Variants in VARS2 observed in about 807,000 individuals in gnomAD.
The protein encoded by VARS2 is valine--tRNA ligase, mitochondrial.
A neutral mutation model predicts 154.1 loss-of-function variants in VARS2; 105 were observed. That is an observed-to-expected ratio of 0.68 (90% CI 0.58 to 0.80). VARS2 has a LOEUF of 0.80. Ranked by LOEUF, VARS2 falls within the 30% of genes least tolerant of loss-of-function variation. VARS2 has a pLI of 0.00. For missense variants in VARS2, 1,157 were observed against 1,361.4 expected (o/e 0.85, Z 2.36); for synonymous variants, 483 against 539.5 (o/e 0.90, Z 1.45).
Position 30,921,640 on chromosome 6 carries a change from G to C in VARS2, c.1684G>C (p.Val562Leu). 1 of 1,609,590 alleles carries C rather than the reference G, an allele frequency of 6.2e-7. No homozygotes were observed. The highest frequency in any genetic ancestry group is 2.2e-5 in the East Asian group (1 of 44,778). The change falls in exon 18 of 30, where the codon GTA (valine) becomes CTA (leucine). Residue 562 changes from valine (V) to leucine (L), a missense_variant. Coordinates refer to ENST00000676266, the MANE Select transcript of VARS2 (RefSeq NM_020442.6). This position sits in a 1 kb window ranked among gnomAD's most constrained non-coding sequence, Gnocchi z 4.6. ...VGRSEAEAREVAAELTGRPGA... is the reference protein window; with the variant it reads ...VGRSEAEARELAAELTGRPGA... ...GCGGTCAGAGGCTGAGGCCAGAGAG[G>C]TAGCAGCGGAACTGACAGGGAGGCC...
At position 30,914,265 on chromosome 6, in the gene VARS2, C is replaced by G; in HGVS notation, c.-107C>G. 1 of 859,590 alleles carries G rather than the reference C, an allele frequency of 1.2e-6. No individual in the cohort carries two copies. Among genetic ancestry groups the G allele is most frequent in the Non-Finnish European group, 1.5e-6 (1 of 645,500 alleles). 53.2% of individuals were successfully genotyped at this position (859,590 alleles called of 1,614,324 possible). A position where few individuals can be genotyped will look rare whatever the true frequency, so the allele number is the denominator to read the frequency against. ...CCCCATGCGCCGCGCGGCTCCAGGG[C>G]CACGTTCCAGGGTCGGGTTTGGTGG... On this transcript the variant is annotated 5_prime_UTR_variant, in exon 1 of 30. Coordinates refer to ENST00000676266, the MANE Select transcript of VARS2 (RefSeq NM_020442.6).
rs983587898 is a variant in VARS2, at chr6:30,923,602, A to G, written c.2466+97A>G. On this transcript the variant is annotated intron_variant, in intron 25 of 29. Transcript: ENST00000676266. ...GAGCTCTGGAGTTAATAAGTTCCCAATTGTCCCCTCAGTTAGGAGAGGAGA... is the reference window on the plus strand; with the variant it reads ...GAGCTCTGGAGTTAATAAGTTCCCAGTTGTCCCCTCAGTTAGGAGAGGAGA... 6.6e-6 allele frequency: 10 copies of G among 1,506,242 alleles called. No individual in the cohort carries two copies. In the East Asian group the frequency reaches 6.8e-5, roughly 10 times the overall value. The allele number at this position is 1,506,242 out of a possible 1,614,324, so 93.3% of individuals were successfully genotyped here. A position where few individuals can be genotyped will look rare whatever the true frequency, so the allele number is the denominator to read the frequency against.
At position 30,920,200 on chromosome 6, in the gene VARS2, G is replaced by A; in HGVS notation, c.1277G>A (p.Cys426Tyr). Residue 426 changes from cysteine (C) to tyrosine (Y), a missense_variant, in exon 13 of 30, where the codon TGC becomes TAC. Cys to Tyr is a radical substitution (Grantham distance 194). Coordinates refer to ENST00000676266, the MANE Select transcript of VARS2 (RefSeq NM_020442.6). This position sits in a 1 kb window ranked among gnomAD's most constrained non-coding sequence, Gnocchi z 4.6. The stretch of plus-strand genomic sequence containing the variant: ...GAGGATGGGACCATGACCTCCCTCT[G>A]CGGGGACTGGCTGCAGGTGGTACCA... ...IAEDGTMTSL[C>Y]GDWLQGLHRF... 6.3e-7 allele frequency: 1 copy of A among 1,579,448 alleles called. No homozygotes were observed. The highest frequency in any genetic ancestry group is 8.6e-7 in the Non-Finnish European group (1 of 1,161,832).
Position 30,917,361 on chromosome 6 carries a change from G to A in VARS2, c.873+137G>A, listed in dbSNP as rs772961038. On this transcript the variant is annotated intron_variant, in intron 9 of 29. Coordinates refer to ENST00000676266, the MANE Select transcript of VARS2 (RefSeq NM_020442.6). The surrounding 1 kb of genome is among the most constrained non-coding windows in gnomAD (Gnocchi z 4.4). ...TGTTACAGCTGTGTGGCTTTTGGCA[G>A]GCCGTTTAGTCTCTTTAAGCCTCAG... 1 of 1,386,754 alleles carries A rather than the reference G, an allele frequency of 7.2e-7. No homozygotes were observed. Among genetic ancestry groups the A allele is most frequent in the Non-Finnish European group, 1.0e-6 (1 of 993,680 alleles). 85.9% of individuals were successfully genotyped at this position (1,386,754 alleles called of 1,614,324 possible).
In VARS2 at chr6:30,916,321, C is replaced by G. The variant is rs1182167917; in HGVS notation, c.671+72C>G. On this transcript the variant is annotated intron_variant, in intron 7 of 29. Coordinates refer to ENST00000676266, the MANE Select transcript of VARS2 (RefSeq NM_020442.6). This position sits in a 1 kb window ranked among gnomAD's most constrained non-coding sequence, Gnocchi z 4.0. ...TTTCTTGCCTCCCACCACTATCACT[C>G]CTGACTTGTAATCCTTGGCTCTTCC... is the stretch of plus-strand genomic sequence containing the variant. 1.6e-6 allele frequency: 2 copies of G among 1,288,418 alleles called. No homozygotes were observed. The highest frequency in any genetic ancestry group is 2.4e-5 in the Admixed American group (1 of 41,832). The allele number at this position is 1,288,418 out of a possible 1,614,324, so 79.8% of individuals were successfully genotyped here.
In VARS2 at chr6:30,915,470, G is replaced by C; in HGVS notation, c.384+15G>C. The C allele has an allele frequency of 1.2e-6, 2 of 1,611,538 alleles. No individual in the cohort carries two copies. Among genetic ancestry groups the C allele is most frequent in the Non-Finnish European group, 1.7e-6 (2 of 1,178,454 alleles). On this transcript the variant is annotated intron_variant, in intron 4 of 29. Transcript: ENST00000676266. ...CAGAATATCAGGTTAGTATCTGGCA[G>C]GGAGGGGTCCTAAATTGTCTCCAGG...
intron 26 of VARS2, 45 bp from the exon 27 acceptor site, chr6:30,925,229 C>T (rs1192478423): frequency 6.7e-7 from 1 of 1,502,456 alleles, no homozygotes; most frequent in Admixed American, 1.9e-5. Flanking sequence ...GGTACTGAGT[C>T]TCCCAGGAGC....
chr6:30,923,684 C>T (rs917125483), intron 25 of VARS2, 179 bp downstream of exon 25: 5 of 866,972 alleles, frequency 5.8e-6, no homozygotes, highest in Non-Finnish European at 8.5e-6. Context: ...CAGTGCAGCC[C>T]AGGCACTGTT....
At position 30,921,592 on chromosome 6, in the gene VARS2, G is replaced by A; in HGVS notation, c.1636G>A (p.Glu546Lys). The A allele has an allele frequency of 6.2e-7, 1 of 1,604,844 alleles. No individual in the cohort carries two copies. Among genetic ancestry groups the A allele is most frequent in the Non-Finnish European group, 8.5e-7 (1 of 1,177,394 alleles). ...CAACCCCTTCCTACTTTTGCAGGGA[G>A]AAGAGGACTGTTGGGTGGTTGGGCG... is the stretch of plus-strand genomic sequence containing the variant. Reference protein sequence around the residue: ...YLVVEDHAQGEEDCWVVGRSE... With the variant: ...YLVVEDHAQGKEDCWVVGRSE... The change falls in exon 18 of 30, where the codon GAA becomes AAA. Residue 546 changes from glutamate (E) to lysine (K), a missense_variant. Coordinates refer to ENST00000676266, the MANE Select transcript of VARS2 (RefSeq NM_020442.6). This position sits in a 1 kb window ranked among gnomAD's most constrained non-coding sequence, Gnocchi z 4.6.
chr6:30,917,182 C>CAACT lies in VARS2; in HGVS notation c.832_835dup (p.Trp279Ter). 3 of 1,614,162 alleles carry CAACT rather than the reference C, an allele frequency of 1.9e-6. No individual in the cohort carries two copies. Among genetic ancestry groups the CAACT allele is most frequent in the Non-Finnish European group, 8.5e-7 (1 of 1,180,042 alleles). ...TGCTGTACCGGAACCATCAGCTTGTCAACTGGTCATGTGCTTTAAGATCAG... is the reference window on the plus strand; with the variant it reads ...TGCTGTACCGGAACCATCAGCTTGTCAACTAACTGGTCATGTGCTTTAAGATCAG... On this transcript the variant is annotated frameshift_variant, in exon 9 of 30. Coordinates refer to ENST00000676266, the MANE Select transcript of VARS2 (RefSeq NM_020442.6). LOFTEE classifies it high-confidence loss of function. The surrounding 1 kb of genome is among the most constrained non-coding windows in gnomAD (Gnocchi z 4.4).
chr6:30,919,604 T>C lies in VARS2; in HGVS notation c.1075-154T>C. ...TGTCTCTAGGCCCAAAAGCCTAAAA[T>C]ATCTACATTCTGGCCCCTTAAGAGT... On this transcript the variant is annotated intron_variant, in intron 11 of 29. Coordinates refer to ENST00000676266, the MANE Select transcript of VARS2 (RefSeq NM_020442.6). This position sits in a 1 kb window ranked among gnomAD's most constrained non-coding sequence, Gnocchi z 4.5. 1 of 535,768 alleles carries C rather than the reference T, an allele frequency of 1.9e-6. No individual in the cohort carries two copies. Among genetic ancestry groups the C allele is most frequent in the Non-Finnish European group, 3.2e-6 (1 of 308,310 alleles). 33.2% of individuals were successfully genotyped at this position (535,768 alleles called of 1,614,324 possible).
Position 30,926,109 on chromosome 6 carries a change from CT to C in VARS2, c.3094del (p.Ser1032LeufsTer20). On this transcript the variant is annotated frameshift_variant and splice_region_variant, in exon 30 of 30. Coordinates refer to ENST00000676266, the MANE Select transcript of VARS2 (RefSeq NM_020442.6). LOFTEE classifies it low-confidence loss of function (END_TRUNC). ...GEAGTQRQQKLSSLQLELSKL... is the reference protein window; with the variant it reads ...GEAGTQRQQKXSSLQLELSKL... The stretch of plus-strand genomic sequence containing the variant: ...CTCACCTCCTTTTCTCCTCGTCCAG[CT>C]TTCTTCCCTCCAGCTGGAATTGTCA... 1 of 1,613,098 alleles carries C rather than the reference CT, an allele frequency of 6.2e-7. No individual in the cohort carries two copies. Among genetic ancestry groups the C allele is most frequent in the Non-Finnish European group, 8.5e-7 (1 of 1,180,026 alleles).
chr6:30,915,685 G>C, intron 4 of VARS2, 61 bp from the exon 5 acceptor site: 1 of 1,603,018 alleles, frequency 6.2e-7, no homozygotes, highest in Non-Finnish European at 8.5e-7. Flanking sequence ...GGAGACAGTA[G>C]AGGGTGCTCT....
Position 30,922,563 on chromosome 6 carries a change from G to A in VARS2, c.2037+9G>A, listed in dbSNP as rs538907606. The stretch of plus-strand genomic sequence containing the variant: ...GTGGGGTGGAGATGCAGGTGAGGAC[G>A]AAGCACCCACTAGAGGGACAAGGTT... On this transcript the variant is annotated intron_variant, in intron 21 of 29. Transcript: ENST00000676266. The A allele has an allele frequency of 3.7e-5, 57 of 1,557,618 alleles. No individual in the cohort carries two copies. The highest frequency in any genetic ancestry group is 4.7e-5 in the Non-Finnish European group (54 of 1,151,822).
chr6:30,917,716 G>A lies in VARS2; in HGVS notation c.895G>A (p.Gly299Ser). 6.4e-7 allele frequency: 1 copy of A among 1,564,398 alleles called. No homozygotes were observed. The highest frequency in any genetic ancestry group is 8.7e-7 in the Non-Finnish European group (1 of 1,154,026). Reference sequence around the variant, plus strand: ...CCAGGTGGAGAACCGGCCCCTGCCTGGCCACACACAGCTTCGACTGCCTGG... The same window carrying A: ...CCAGGTGGAGAACCGGCCCCTGCCTAGCCACACACAGCTTCGACTGCCTGG... ...DIEVENRPLP[G>S]HTQLRLPGCP... Residue 299 changes from glycine (G) to serine (S), a missense_variant, in exon 10 of 30, where the codon GGC becomes AGC. Gly to Ser is a moderately conservative substitution (Grantham distance 56). Coordinates refer to ENST00000676266, the MANE Select transcript of VARS2 (RefSeq NM_020442.6). This position sits in a 1 kb window ranked among gnomAD's most constrained non-coding sequence, Gnocchi z 4.4.
At position 30,920,356 on chromosome 6, in the gene VARS2, G is replaced by A; in HGVS notation, c.1317G>A (p.Arg439=). The A allele has an allele frequency of 6.2e-7, 1 of 1,612,910 alleles. No homozygotes were observed. The highest frequency in any genetic ancestry group is 8.5e-7 in the Non-Finnish European group (1 of 1,179,508). ...WLQGLHRFVA[R]EKIMSVLSEW... is the part of the protein sequence containing the mutation. ...AGGGTCTTCACCGGTTTGTGGCCCG[G>A]GAAAAGATAATGTCTGTGCTGAGTG... is the stretch of plus-strand genomic sequence containing the variant. The change falls in exon 14 of 30, where the codon CGG becomes CGA. Residue 439 remains arginine, a synonymous_variant. Transcript: ENST00000676266. The surrounding 1 kb of genome is among the most constrained non-coding windows in gnomAD (Gnocchi z 4.6).
Position 30,919,065 on chromosome 6 carries a change from T to C in VARS2, c.1074+150T>C. 1 of 695,022 alleles carries C rather than the reference T, an allele frequency of 1.4e-6. No homozygotes were observed. The allele number at this position is 695,022 out of a possible 1,614,324, so 43.1% of individuals were successfully genotyped here. On this transcript the variant is annotated intron_variant, in intron 11 of 29. Coordinates refer to ENST00000676266, the MANE Select transcript of VARS2 (RefSeq NM_020442.6). The surrounding 1 kb of genome is among the most constrained non-coding windows in gnomAD (Gnocchi z 4.5). ...TTCTGATTGGACTCCCTCCTCCTCT[T>C]ATAGTTTTTCTGTAGCTCAGGGGTT... is the stretch of plus-strand genomic sequence containing the variant.
At position 30,926,218 on chromosome 6, in the gene VARS2, TC is replaced by T. The variant is rs1331266557; in HGVS notation, c.*12del. The T allele has an allele frequency of 6.2e-7, 1 of 1,612,722 alleles. No homozygotes were observed. Among genetic ancestry groups the T allele is most frequent in the Admixed American group, 1.7e-5 (1 of 59,998 alleles). Reference sequence around the variant, plus strand: ...GGGAGCCCGGAGCTCTAACTCATCATCCCCATCAGTTTTCCTCCCTCTCAGA... The same window carrying T: ...GGGAGCCCGGAGCTCTAACTCATCATCCCATCAGTTTTCCTCCCTCTCAGA... On this transcript the variant is annotated 3_prime_UTR_variant, in exon 30 of 30. Coordinates refer to ENST00000676266, the MANE Select transcript of VARS2 (RefSeq NM_020442.6).
Position 30,921,440 on chromosome 6 carries a change from G to T in VARS2, c.1632+135G>T. 7.1e-7 allele frequency: 1 copy of T among 1,417,830 alleles called. No individual in the cohort carries two copies. The highest frequency in any genetic ancestry group is 1.2e-5 in the South Asian group (1 of 82,310). The allele number at this position is 1,417,830 out of a possible 1,614,324, so 87.8% of individuals were successfully genotyped here. On this transcript the variant is annotated intron_variant, in intron 17 of 29. Coordinates refer to ENST00000676266, the MANE Select transcript of VARS2 (RefSeq NM_020442.6). The surrounding 1 kb of genome is among the most constrained non-coding windows in gnomAD (Gnocchi z 4.6). ...CTCATAGTCATGTAACCTTCTGCGC[G>T]ATCAAGGCTCCCTGAAGTGGCATTT...
Sources: gnomAD v4.1 joint callset for allele counts on GRCh38, gnomAD v4.1.1 for gene constraint, Gnocchi (gnomAD v3.1) non-coding constraint, MANE v1.5 for transcripts, NCBI Gene and HGNC (gene_info 2026-07-23, HGNC 2026-07-21) for gene names.